The following ZNF730 variants were observed in gnomAD, a reference collection of about 807,000 sequenced individuals.
ZNF730 encodes zinc finger protein 730.
A neutral mutation model predicts 12.6 loss-of-function variants in ZNF730; 12 were observed. That is an observed-to-expected ratio of 0.95 (90% CI 0.61 to 1.54). The LOEUF (loss-of-function observed/expected upper bound fraction) is 1.54, where lower values mean the gene tolerates loss of function less well. Among genes scored for constraint, ZNF730 ranks in the 40% most tolerant of loss-of-function variants. ZNF730 has a pLI of 0.00. For synonymous variants in ZNF730, 194 were observed against 195.8 expected (o/e 0.99, Z 0.08); for missense variants, 643 against 583.5 (o/e 1.10, Z -1.05).
intron 2 of ZNF730, among the ~76,000 whole-genome samples, chr19:23,134,442 G>T (rs554932253): frequency 6.9e-6 from 1 of 144,202 alleles, no homozygotes; most frequent in South Asian, 2.2e-4. Flanking sequence ...GGCGGAGGGG[G>T]GTCGGCCAGC....
intron 3 of ZNF730, among the ~76,000 whole-genome samples, chr19:23,139,256 T>C (rs1970879339): frequency 6.6e-6 from 1 of 152,196 alleles, no homozygotes; most frequent in Non-Finnish European, 1.5e-5. Flanking sequence ...TTATTTAGCA[T>C]TGTAAAGCTA....
upstream of ZNF730, among the ~76,000 whole-genome samples, chr19:23,114,300 C>CTTTCTT (rs1555714251): frequency 8.4e-6 from 1 of 119,540 alleles, no homozygotes; most frequent in Non-Finnish European, 1.6e-5. Flanking sequence ...TTTTCTTTTT[C>CTTTCTT]TTTTCTTTTT....
At chr19:23,137,716 T>C (rs1488973924) in intron 3 of ZNF730, among the ~76,000 whole-genome samples, 1 of 152,238 alleles carries the variant, frequency 6.6e-6, no homozygotes, top group Non-Finnish European at 1.5e-5. Flanking sequence ...CTTCAAGATG[T>C]AAAGATATTC....
chr19:23,127,981 C>T lies in ZNF730; in HGVS notation c.4-6099C>T, dbSNP rs1970691154. The T allele has an allele frequency of 5.4e-6, 4 of 737,336 alleles. No individual in the cohort carries two copies. The East Asian group carries it at 9.9e-5, about 18-fold the overall frequency. 45.7% of individuals were successfully genotyped at this position (737,336 alleles called of 1,614,324 possible). A position where few individuals can be genotyped will look rare whatever the true frequency, so the allele number is the denominator to read the frequency against. Reference sequence around the variant, plus strand: ...TGGCCTGCTGCTGGCCTGCAGGCTCCTCAGTAGGTCAAGATCTGTGACCTA... The same window carrying T: ...TGGCCTGCTGCTGGCCTGCAGGCTCTTCAGTAGGTCAAGATCTGTGACCTA... On this transcript the variant is annotated intron_variant, in intron 1 of 3. Coordinates refer to ENST00000597761, the MANE Select transcript of ZNF730 (RefSeq NM_001277403.2).
chr19:23,106,635 C>A (rs1394413309), intron 1 of ZNF730, among the ~76,000 whole-genome samples: 1 of 151,728 alleles, frequency 6.6e-6, no homozygotes, highest in Non-Finnish European at 1.5e-5. Flanking sequence ...CTACAAAAAA[C>A]ACAAAATTAG....
chr19:23,094,625 C>T (rs1466635943), intron 1 of ZNF730, among the ~76,000 whole-genome samples: 1 of 152,104 alleles, frequency 6.6e-6, no homozygotes, highest in African/African-American at 2.4e-5. Context: ...AGGCGTGTGC[C>T]ACCACACCCA....
intron 1 of ZNF730, among the ~76,000 whole-genome samples, chr19:23,079,103 G>T (rs528310935): frequency 4.0e-5 from 6 of 151,678 alleles, no homozygotes; most frequent in Admixed American, 3.9e-4. Flanking sequence ...ACTGTACCCG[G>T]CCCTATCTAT....
rs370777698 is a variant in ZNF730, at chr19:23,104,078, A to G, written c.-94+28691A>G. On this transcript the variant is annotated intron_variant, in intron 1 of 2. Transcript: ENST00000593635. ...GTAATCCCAGCACTTTGGGAGGCCAAGGCAGGTGGATCACGAGTTCAGATC... is the reference window on the plus strand; with the variant it reads ...GTAATCCCAGCACTTTGGGAGGCCAGGGCAGGTGGATCACGAGTTCAGATC... Among the ~76,000 whole-genome samples the G allele has an allele frequency of 7.7e-4, 117 of 152,256 alleles. 3 individuals carry two copies. The East Asian group carries it at 0.018, about 24-fold the overall frequency.
chr19:23,102,834 A>G (rs905874874), intron 1 of ZNF730, among the ~76,000 whole-genome samples: 2 of 152,170 alleles, frequency 1.3e-5, no homozygotes, highest in Non-Finnish European at 2.9e-5. Flanking sequence ...AAACCAGCCA[A>G]TAGGAGAGAT....
chr19:23,117,018 T>G (rs1970537350), upstream of ZNF730: 9 of 1,159,504 alleles, frequency 7.8e-6, no homozygotes, highest in Non-Finnish European at 9.0e-6. Flanking sequence ...TTCCGGGATT[T>G]GGCGCGGCCT....
At chr19:23,123,794 A>C (rs1402966061) in intron 1 of ZNF730, 1 of 153,924 alleles carries the variant, frequency 6.5e-6, no homozygotes, top group African/African-American at 2.4e-5. Context: ...TTTCAATATA[A>C]TCTTGCTCAG....
intron 1 of ZNF730, among the ~76,000 whole-genome samples, chr19:23,085,496 C>CTTTTT (rs58871710): frequency 7.6e-5 from 4 of 52,790 alleles, no homozygotes; most frequent in East Asian, 7.8e-4. Flanking sequence ...CCATGCCCGT[C>CTTTTT]TTTTTTTTTT....
chr19:23,132,486 G>A (rs1261502238), intron 1 of ZNF730, among the ~76,000 whole-genome samples: 3 of 149,528 alleles, frequency 2.0e-5, no homozygotes, highest in Non-Finnish European at 4.5e-5. Flanking sequence ...GGATCTCAGA[G>A]AAATATTTCT....
In ZNF730 at chr19:23,145,654, G is replaced by T; in HGVS notation, c.610G>T (p.Glu204Ter). The T allele has an allele frequency of 6.4e-7, 1 of 1,554,816 alleles. No homozygotes were observed. The highest frequency in any genetic ancestry group is 1.2e-5 in the South Asian group (1 of 83,622). The change falls in exon 4 of 4, where the codon GAA (glutamate) becomes TAA (stop). Residue 204 changes from glutamate to a stop codon, truncating the protein, a stop_gained. Transcript: ENST00000597761. LOFTEE classifies it low-confidence loss of function (END_TRUNC). ...IHTGEKSYKC[E>*]EYGKAFNESS... ...TACTGGAGAGAAATCCTACAAATGT[G>T]AAGAATATGGCAAAGCCTTTAATGA...
At chr19:23,144,545 A>C (rs995032369) in intron 3 of ZNF730, among the ~76,000 whole-genome samples, 11 of 151,822 alleles carry the variant, frequency 7.2e-5, no homozygotes, top group African/African-American at 2.4e-4. Flanking sequence ...CTAAAAATAC[A>C]AAAAATTAGC....
chr19:23,139,984 T>G (rs1211749341), intron 3 of ZNF730, among the ~76,000 whole-genome samples: 2 of 152,186 alleles, frequency 1.3e-5, no homozygotes. Context: ...TTTAGGCGGT[T>G]TGCAACTCTG....
intron 1 of ZNF730, among the ~76,000 whole-genome samples, chr19:23,119,493 C>T (rs1462943201): frequency 6.6e-6 from 1 of 152,104 alleles, no homozygotes; most frequent in East Asian, 1.9e-4. Context: ...CTGAAGTTTC[C>T]TTTTTTTGTT....
At chr19:23,079,831 G>C (rs1317054270) in intron 1 of ZNF730, among the ~76,000 whole-genome samples, 2 of 152,058 alleles carry the variant, frequency 1.3e-5, no homozygotes, top group East Asian at 3.8e-4. Context: ...CTTTGACTAA[G>C]TATTCTATGT....
intron 2 of ZNF730, among the ~76,000 whole-genome samples, chr19:23,135,557 C>G (rs2145670538): frequency 6.6e-6 from 1 of 151,996 alleles, no homozygotes; most frequent in East Asian, 1.9e-4. Flanking sequence ...GTCACCCAGG[C>G]TGGAGTGCAG....
Sources: allele counts gnomAD v4.1 joint callset (sites outside exome capture counted in the v4.1 genomes callset), GRCh38; gene constraint gnomAD v4.1.1; transcripts MANE v1.5; gene names NCBI Gene and HGNC (gene_info 2026-07-23, HGNC 2026-07-21).